The following MYO19 variants were observed in gnomAD, a reference collection of about 807,000 sequenced individuals.
MYO19 encodes the protein unconventional myosin-XIX.
A neutral mutation model predicts 129.2 loss-of-function variants in MYO19; 132 were observed. That is an observed-to-expected ratio of 1.02 (90% confidence interval 0.89 to 1.18). The LOEUF (loss-of-function observed/expected upper bound fraction) is 1.18. Among genes scored for constraint, MYO19 ranks in the 50% most tolerant of loss-of-function variants. The pLI, the probability that MYO19 is intolerant of heterozygous loss-of-function variation, is 0.00. For missense variants in MYO19, 1,210 were observed against 1,216.7 expected (o/e 0.99, Z 0.08); for synonymous variants, 531 against 477.2 (o/e 1.11, Z -1.47).
At chr17:36,506,328 T>C in intron 18 of MYO19, 128 bp downstream of exon 18, 3 of 1,124,312 alleles carry the variant, frequency 2.7e-6, no homozygotes, top group Non-Finnish European at 4.0e-6. Flanking sequence ...TCCAGGGGAC[T>C]GGGACCACAT....
chr17:36,496,350 AG>A lies in MYO19; in HGVS notation c.2813del (p.Pro938LeufsTer21), dbSNP rs2070965651. 1 of 1,613,890 alleles carries A rather than the reference AG, an allele frequency of 6.2e-7. No individual in the cohort carries two copies. Among genetic ancestry groups the A allele is most frequent in the Non-Finnish European group, 8.5e-7 (1 of 1,179,900 alleles). ...CTGTAATGCTGTAGGGTGAAGGTTC[AG>A]GGCAGATGTCAGCATACCGCAGTGG... ...KSPLRYADIC[P>X]EPSPYSITGF... On this transcript the variant is annotated frameshift_variant, in exon 26 of 26. Transcript: ENST00000614623. LOFTEE classifies it high-confidence loss of function.
chr17:36,532,342 A>T (rs1247678375), intron 3 of MYO19, among the ~76,000 whole-genome samples, 185 bp downstream of exon 3: 1 of 152,170 alleles, frequency 6.6e-6, no homozygotes, highest in African/African-American at 2.4e-5. Flanking sequence ...GGAGCTAAAA[A>T]CCACAAGACA....
At chr17:36,516,833 GC>G (rs2072784671) in intron 6 of MYO19, among the ~76,000 whole-genome samples, 1 of 152,164 alleles carries the variant, frequency 6.6e-6, no homozygotes, top group Non-Finnish European at 1.5e-5. Context: ...CTTTTTAGTT[GC>G]AGTAAGGTGG....
chr17:36,497,963 G>A, intron 25 of MYO19: 1 of 394,092 alleles, frequency 2.5e-6, no homozygotes. Flanking sequence ...TGGAGCATCA[G>A]AATCAGCTGG....
In MYO19 at chr17:36,507,124, G is replaced by T. The variant is rs1196155814; in HGVS notation, c.1483C>A (p.Arg495=). The change falls in exon 17 of 26, where the codon CGA becomes AGA. Residue 495 remains arginine, a synonymous_variant. Coordinates refer to ENST00000614623, the MANE Select transcript of MYO19 (RefSeq NM_001163735.2). Reference sequence around the variant, plus strand: ...TGGAGCTGGGCTGCGCTGCTGGGTCGATTGAGGCGGCATTCCTGTGGGATG... The same window carrying T: ...TGGAGCTGGGCTGCGCTGCTGGGTCTATTGAGGCGGCATTCCTGTGGGATG... ...SLINEECRLN[R]PSSAAQLQTR... 15 of 1,602,430 alleles carry T rather than the reference G, an allele frequency of 9.4e-6. No homozygotes were observed. The highest frequency in any genetic ancestry group is 1.2e-5 in the Non-Finnish European group (14 of 1,171,200).
In MYO19 at chr17:36,503,975, T is replaced by C; in HGVS notation, c.1951A>G (p.Ile651Val). ...CGGATGGGGAAGCCAGCAGCACTGA[T>C]ATGGATGGTCTCCACGAGGCCACAG... is the stretch of plus-strand genomic sequence containing the variant. ...EACGLVETIH[I>V]SAAGFPIRVS... The change falls in exon 20 of 26, where the codon ATC (isoleucine) becomes GTC (valine). Residue 651 changes from isoleucine (I) to valine (V), a missense_variant. Transcript: ENST00000614623. 1.3e-6 allele frequency: 2 copies of C among 1,592,640 alleles called. No individual in the cohort carries two copies. Among genetic ancestry groups the C allele is most frequent in the Non-Finnish European group, 8.5e-7 (1 of 1,170,846 alleles).
chr17:36,526,819 G>A (rs1282303760), intron 5 of MYO19, among the ~76,000 whole-genome samples: 3 of 152,112 alleles, frequency 2.0e-5, no homozygotes, highest in East Asian at 1.9e-4. Flanking sequence ...CCCTGGAGGC[G>A]GAGGTTGCGG....
At chr17:36,519,962 T>C (rs756187158) in intron 6 of MYO19, among the ~76,000 whole-genome samples, 2 of 152,144 alleles carry the variant, frequency 1.3e-5, no homozygotes, top group Non-Finnish European at 2.9e-5. Flanking sequence ...TGTTCATTTT[T>C]ATGTAATATT....
chr17:36,534,914 A>C (rs1238371840), upstream of MYO19: 1 of 152,272 alleles, frequency 6.6e-6, no homozygotes, highest in East Asian at 1.9e-4. Flanking sequence ...GGAGCGCCGA[A>C]CCGCACCCCG....
upstream of MYO19, among the ~76,000 whole-genome samples, chr17:36,544,433 A>AC (rs2074224444): frequency 6.6e-6 from 1 of 151,606 alleles, no homozygotes; most frequent in Non-Finnish European, 1.5e-5. Context: ...TTTGTCTCTC[A>AC]CCCCCCGATG....
chr17:36,539,046 CA>C (rs1230060334), upstream of MYO19: 1 of 170,394 alleles, frequency 5.9e-6, no homozygotes, highest in Non-Finnish European at 1.4e-5. Context: ...TGAGCCACCA[CA>C]CTGGGCCAAT....
At chr17:36,499,242 A>G in intron 23 of MYO19, 82 bp from the exon 24 acceptor site, 1 of 949,684 alleles carries the variant, frequency 1.1e-6, no homozygotes, top group Non-Finnish European at 1.6e-6. Flanking sequence ...GCAGCACCAC[A>G]GTTGCTGTCA....
chr17:36,505,013 C>T, intron 19 of MYO19: 1 of 608,196 alleles, frequency 1.6e-6, no homozygotes, highest in East Asian at 3.2e-5. Flanking sequence ...AATCACGAGA[C>T]ACCCATTCCT....
upstream of MYO19, chr17:36,538,167 G>A (rs757289253): frequency 1.3e-5 from 21 of 1,613,696 alleles, no homozygotes; most frequent in Admixed American, 1.7e-5. Flanking sequence ...ATCTCTTTAC[G>A]TAGTTCAAGT....
intron 11 of MYO19, chr17:36,512,611 T>C: frequency 7.8e-7 from 1 of 1,284,324 alleles, no homozygotes; most frequent in South Asian, 1.2e-5. Context: ...TGTTGTCCAC[T>C]TATCCTGGGC....
intron 6 of MYO19, among the ~76,000 whole-genome samples, chr17:36,524,253 T>C (rs1162820097): frequency 6.6e-6 from 1 of 152,224 alleles, no homozygotes; most frequent in African/African-American, 2.4e-5. Context: ...TTTTCTTATC[T>C]GTCTCTCAGC....
At chr17:36,521,887 TGG>T (rs1164922070) in intron 6 of MYO19, among the ~76,000 whole-genome samples, 2 of 151,350 alleles carry the variant, frequency 1.3e-5, no homozygotes, top group Non-Finnish European at 2.9e-5. Context: ...AAAAATTAGC[TGG>T]GTGTGGTGGT....
At position 36,515,991 on chromosome 17, in the gene MYO19, C is replaced by T. The variant is rs1373977528; in HGVS notation, c.415-1G>A. 6.2e-7 allele frequency: 1 copy of T among 1,608,680 alleles called. No individual in the cohort carries two copies. The highest frequency in any genetic ancestry group is 1.7e-5 in the Admixed American group (1 of 59,846). On this transcript the variant is annotated splice_acceptor_variant, in intron 6 of 25. Coordinates refer to ENST00000614623, the MANE Select transcript of MYO19 (RefSeq NM_001163735.2). LOFTEE classifies it high-confidence loss of function. ...TCATTAGGCAGCGAGACGTCCATGT[C>T]TGTGGCAGAAACAGCCCTGTGGGAG...
chr17:36,507,766 AAAG>A lies in MYO19; in HGVS notation c.1353+34_1353+36del, dbSNP rs772757249. The A allele has an allele frequency of 7.7e-6, 12 of 1,555,598 alleles. No homozygotes were observed. In the East Asian group the frequency reaches 1.1e-4, roughly 15 times the overall value. ...AGGTCAGGAAGGGATTGAGGATCCAAAAGAAGGACCTGCCTCCTGCTCACCCCA... is the reference window on the plus strand; with the variant it reads ...AGGTCAGGAAGGGATTGAGGATCCAAAAGGACCTGCCTCCTGCTCACCCCA... On this transcript the variant is annotated intron_variant, in intron 15 of 25. Coordinates refer to ENST00000614623, the MANE Select transcript of MYO19 (RefSeq NM_001163735.2).
Sources: gnomAD v4.1 joint callset for allele counts (sites outside exome capture counted in the v4.1 genomes callset) on GRCh38, gnomAD v4.1.1 for gene constraint, MANE v1.5 for transcripts, NCBI Gene and HGNC (gene_info 2026-07-23, HGNC 2026-07-21) for gene names.